The following ATP6V1H variants were observed in gnomAD, a reference collection of about 807,000 sequenced individuals.
The protein encoded by ATP6V1H is ATPase H+ transporting V1 subunit H.
In ATP6V1H, 39 loss-of-function variants were observed where a neutral mutation model predicts 71.7. That is an observed-to-expected ratio of 0.54 (90% CI 0.42 to 0.71). ATP6V1H has a LOEUF of 0.71. Ranked by LOEUF, ATP6V1H falls within the 30% of genes least tolerant of loss-of-function variation. The probability of loss-of-function intolerance (pLI) is 0.00; values close to 1 mark genes in which losing one functional copy is unlikely to be tolerated. For missense variants in ATP6V1H, 509 were observed against 594.9 expected (o/e 0.86, Z 1.50); for synonymous variants, 192 against 199.3 (o/e 0.96, Z 0.31).
At chr8:53,739,404 G>A (rs1352569426) in intron 13 of ATP6V1H, 1 of 152,074 alleles carries the variant, frequency 6.6e-6, no homozygotes, top group African/African-American at 2.4e-5. Context: ...CATACCCTTG[G>A]CCTGGTGAGT....
chr8:53,803,586 AT>A (rs1432467552), intron 7 of ATP6V1H, among the ~76,000 whole-genome samples: 1 of 152,200 alleles, frequency 6.6e-6, no homozygotes, highest in Non-Finnish European at 1.5e-5. Context: ...ATATAAGTAC[AT>A]TTGGTGGAAT....
intron 13 of ATP6V1H, among the ~76,000 whole-genome samples, chr8:53,741,679 C>T (rs16919526): frequency 0.051 from 7,798 of 152,180 alleles, 583 homozygotes; most frequent in African/African-American, 0.16. Flanking sequence ...TGTGATGTAT[C>T]CTATGTTTTA....
chr8:53,803,516 C>T (rs546190083), intron 7 of ATP6V1H, among the ~76,000 whole-genome samples: 32 of 152,178 alleles, frequency 2.1e-4, no homozygotes, highest in African/African-American at 7.0e-4. Flanking sequence ...ATTTAAATAC[C>T]GTTCATAAAA....
At position 53,769,525 on chromosome 8, in the gene ATP6V1H, T is replaced by C. The variant is rs186294316; in HGVS notation, c.1175+93A>G. On this transcript the variant is annotated intron_variant, in intron 11 of 13. Coordinates refer to ENST00000359530, the MANE Select transcript of ATP6V1H (RefSeq NM_015941.4). Reference sequence around the variant, plus strand: ...AGCAAGAAAATACAAATTAAAACCATAGAATATCTAAAATTTAGAGTGACA... The same window carrying C: ...AGCAAGAAAATACAAATTAAAACCACAGAATATCTAAAATTTAGAGTGACA... The C allele has an allele frequency of 1.1e-4, 136 of 1,276,530 alleles. No individual in the cohort carries two copies. In the South Asian group the frequency reaches 1.7e-3, roughly 16 times the overall value. 79.1% of individuals were successfully genotyped at this position (1,276,530 alleles called of 1,614,324 possible). A position where few individuals can be genotyped will look rare whatever the true frequency, so the allele number is the denominator to read the frequency against.
chr8:53,837,521 G>A (rs1405012700), intron 2 of ATP6V1H, among the ~76,000 whole-genome samples: 3 of 151,642 alleles, frequency 2.0e-5, no homozygotes, highest in Non-Finnish European at 4.4e-5. Flanking sequence ...AGTCCGGGTA[G>A]GGGGCTTGTG....
intron 13 of ATP6V1H, among the ~76,000 whole-genome samples, chr8:53,734,575 A>G (rs750790687): frequency 6.6e-6 from 1 of 152,206 alleles, no homozygotes; most frequent in Non-Finnish European, 1.5e-5. Context: ...GGCATTATAC[A>G]AGGAAAAAGG....
chr8:53,754,676 A>G (rs755598882), intron 12 of ATP6V1H, among the ~76,000 whole-genome samples: 6 of 152,204 alleles, frequency 3.9e-5, no homozygotes, highest in Non-Finnish European at 7.3e-5. Flanking sequence ...GAAGAAGATG[A>G]GTTAATGCCT....
At position 53,743,566 on chromosome 8, in the gene ATP6V1H, C is replaced by T; in HGVS notation, c.1391+11G>A. ...CTAATGTACAAGTGTGAGCAAAAAG[C>T]CGTGGCATACCAGTTGTGCACCATG... On this transcript the variant is annotated intron_variant, in intron 13 of 13. Coordinates refer to ENST00000359530, the MANE Select transcript of ATP6V1H (RefSeq NM_015941.4). The T allele has an allele frequency of 6.2e-7, 1 of 1,606,124 alleles. No homozygotes were observed. Among genetic ancestry groups the T allele is most frequent in the Non-Finnish European group, 8.5e-7 (1 of 1,173,160 alleles).
At chr8:53,829,398 CA>C (rs765528379) in intron 4 of ATP6V1H, 45 bp downstream of exon 4, 10 of 1,297,746 alleles carry the variant, frequency 7.7e-6, no homozygotes, top group African/African-American at 1.5e-5. Flanking sequence ...GTGAGGTATG[CA>C]AAAAAATGAA....
chr8:53,840,315 T>A (rs1563321395), intron 2 of ATP6V1H, among the ~76,000 whole-genome samples: 1 of 152,022 alleles, frequency 6.6e-6, no homozygotes, highest in East Asian at 1.9e-4. Context: ...GGCCAACATG[T>A]TGAAACCCTG....
intron 6 of ATP6V1H, among the ~76,000 whole-genome samples, chr8:53,812,238 AGTTCC>A (rs1810298255): frequency 1.3e-5 from 2 of 152,198 alleles, no homozygotes; most frequent in Admixed American, 6.5e-5. Flanking sequence ...TACCCTGAAG[AGTTCC>A]CCTGCAGCAG....
chr8:53,719,980 T>C (rs1443848112), intron 13 of ATP6V1H, among the ~76,000 whole-genome samples: 1 of 152,184 alleles, frequency 6.6e-6, no homozygotes, highest in East Asian at 1.9e-4. Flanking sequence ...CAAAAACTAG[T>C]ATAGATTTTA....
chr8:53,811,323 T>C, intron 6 of ATP6V1H, 106 bp from the exon 7 acceptor site: 3 of 859,222 alleles, frequency 3.5e-6, no homozygotes, highest in Non-Finnish European at 5.5e-6. Flanking sequence ...TTCTATGTAA[T>C]AATTTTTCCC....
chr8:53,720,533 C>T (rs1806578405), intron 13 of ATP6V1H, among the ~76,000 whole-genome samples: 3 of 152,334 alleles, frequency 2.0e-5, no homozygotes, highest in African/African-American at 2.4e-5. Flanking sequence ...CTTCAAACAA[C>T]AGGAAGACCA....
At chr8:53,728,626 G>A (rs894512818) in intron 13 of ATP6V1H, among the ~76,000 whole-genome samples, 10 of 152,104 alleles carry the variant, frequency 6.6e-5, no homozygotes, top group African/African-American at 2.2e-4. Flanking sequence ...TTCTGGCAAC[G>A]CCATCCACTC....
In ATP6V1H at chr8:53,830,054, C is replaced by A. The variant is rs1810955544; in HGVS notation, c.217-521G>T. On this transcript the variant is annotated intron_variant, in intron 3 of 13. Coordinates refer to ENST00000359530, the MANE Select transcript of ATP6V1H (RefSeq NM_015941.4). ...CCCCATGACTGTTGTAAGAATCAGA[C>A]CAATTTGTATATGGGCTCCTTCAGC... Among the ~76,000 whole-genome samples, 5 of 152,152 alleles carry A rather than the reference C, an allele frequency of 3.3e-5. No homozygotes were observed. In the South Asian group the frequency reaches 1.0e-3, roughly 32 times the overall value.
intron 13 of ATP6V1H, among the ~76,000 whole-genome samples, chr8:53,741,441 T>G (rs927257594): frequency 1.3e-5 from 2 of 152,188 alleles, no homozygotes; most frequent in African/African-American, 4.8e-5. Context: ...AGCCCTAATT[T>G]CAACACAATG....
At chr8:53,728,131 C>T (rs551991782) in intron 13 of ATP6V1H, among the ~76,000 whole-genome samples, 41 of 152,320 alleles carry the variant, frequency 2.7e-4, no homozygotes, top group African/African-American at 7.9e-4. Flanking sequence ...AGCCTTCTCA[C>T]GGTAGCCGCC....
intron 11 of ATP6V1H, among the ~76,000 whole-genome samples, chr8:53,761,510 A>G (rs1457668766): frequency 2.6e-5 from 4 of 152,182 alleles, no homozygotes; most frequent in African/African-American, 9.7e-5. Context: ...CATAATAAAG[A>G]TATGCATAAT....
Sources: gnomAD v4.1 joint callset for allele counts (sites outside exome capture counted in the v4.1 genomes callset) on GRCh38, gnomAD v4.1.1 for gene constraint, MANE v1.5 for transcripts, NCBI Gene and HGNC (gene_info 2026-07-23, HGNC 2026-07-21) for gene names.